Variants in WWOX observed in about 807,000 individuals in gnomAD.
WWOX encodes WW domain-containing oxidoreductase.
In WWOX, 69 loss-of-function variants were observed where a neutral mutation model predicts 46.2. That is an observed-to-expected ratio of 1.49 (90% CI 1.23 to 1.82). The LOEUF is 1.82. WWOX is among the 40% of genes most tolerant of loss of function. The pLI, the probability that WWOX is intolerant of heterozygous loss-of-function variation, is 0.00. For synonymous variants in WWOX, 359 were observed against 202.6 expected, an observed-to-expected ratio of 1.77 and a Z score of -6.56; for missense variants, 919 against 542.6, an observed-to-expected ratio of 1.69 and a Z score of -6.89.
intron 8 of WWOX, among the ~76,000 whole-genome samples, chr16:78,941,190 T>C (rs995567190): frequency 2.6e-5 from 4 of 152,154 alleles, no homozygotes; most frequent in African/African-American, 9.7e-5. Context: ...ATATCCCAGT[T>C]GCAAAGGATA....
At chr16:78,751,440 T>C (rs895431138) in intron 8 of WWOX, among the ~76,000 whole-genome samples, 5 of 136,060 alleles carry the variant, frequency 3.7e-5, no homozygotes, top group Admixed American at 7.9e-5. Context: ...TTTATCAGAT[T>C]ATATATATAT....
chr16:78,347,517 T>TC (rs1297401159), intron 5 of WWOX, among the ~76,000 whole-genome samples: 2 of 117,246 alleles, frequency 1.7e-5, no homozygotes, highest in African/African-American at 5.8e-5. Flanking sequence ...CACCCACACC[T>TC]CTTGCATGTT....
At chr16:78,518,829 G>C (rs2043291153) in intron 8 of WWOX, among the ~76,000 whole-genome samples, 1 of 152,156 alleles carries the variant, frequency 6.6e-6, no homozygotes. Context: ...TGGATTGCCT[G>C]TGATTTCACT....
chr16:78,320,280 T>C (rs1396361207), intron 5 of WWOX, among the ~76,000 whole-genome samples: 1 of 152,188 alleles, frequency 6.6e-6, no homozygotes, highest in Admixed American at 6.5e-5. Context: ...ATAAGCAATT[T>C]TACCTGCATT....
rs1490776584 is a variant in WWOX at position 79,212,205 on chromosome 16, G to A, written c.*409G>A. ...CGGGGGCTGGCCTTCTCCTACTTAG[G>A]GAAGAAAAAGCAAGTGTTCACTGCT... is the stretch of plus-strand genomic sequence containing the variant. On this transcript the variant is annotated 3_prime_UTR_variant, in exon 9 of 9. Coordinates refer to ENST00000566780, the MANE Select transcript of WWOX (RefSeq NM_016373.4). The A allele has an allele frequency of 2.1e-6, 3 of 1,446,170 alleles. No individual in the cohort carries two copies. Among genetic ancestry groups the A allele is most frequent in the Non-Finnish European group, 2.7e-6 (3 of 1,105,462 alleles). 89.6% of individuals were successfully genotyped at this position (1,446,170 alleles called of 1,614,324 possible).
intron 8 of WWOX, among the ~76,000 whole-genome samples, chr16:78,529,699 C>A (rs780295323): frequency 3.7e-4 from 56 of 151,794 alleles, no homozygotes; most frequent in Non-Finnish European, 7.4e-5. Flanking sequence ...GATCTCCTGA[C>A]CTCGTGATCC....
At chr16:78,168,752 T>C (rs1277606906) in intron 5 of WWOX, among the ~76,000 whole-genome samples, 1 of 152,194 alleles carries the variant, frequency 6.6e-6, no homozygotes, top group Non-Finnish European at 1.5e-5. Flanking sequence ...AAGATATCCT[T>C]TATAGAGCTC....
intron 5 of WWOX, among the ~76,000 whole-genome samples, chr16:78,205,629 C>T (rs903942464): frequency 6.6e-6 from 1 of 151,790 alleles, no homozygotes; most frequent in Non-Finnish European, 1.5e-5. Context: ...TTCCAATTAT[C>T]CACCCTTCCA....
At chr16:78,640,970 G>C (rs1434920561) in intron 8 of WWOX, among the ~76,000 whole-genome samples, 1 of 151,652 alleles carries the variant, frequency 6.6e-6, no homozygotes, top group African/African-American at 2.4e-5. Flanking sequence ...GAAAAGAAAG[G>C]AAGGACAGAT....
chr16:79,034,147 A>T (rs2047820511), intron 8 of WWOX, among the ~76,000 whole-genome samples: 1 of 152,084 alleles, frequency 6.6e-6, no homozygotes, highest in South Asian at 2.1e-4. Context: ...TTTTATATTA[A>T]TCTGTTTTCT....
chr16:79,150,412 A>G (rs528470586), intron 8 of WWOX, among the ~76,000 whole-genome samples: 1 of 152,322 alleles, frequency 6.6e-6, no homozygotes, highest in East Asian at 1.9e-4. Flanking sequence ...TTCAACTACC[A>G]GGTAGGTAGA....
chr16:78,196,628 C>G (rs1219412363), intron 5 of WWOX, among the ~76,000 whole-genome samples: 1 of 152,146 alleles, frequency 6.6e-6, no homozygotes, highest in East Asian at 1.9e-4. Context: ...TGCTTTGGAA[C>G]CAATTAGGGC....
chr16:78,726,236 T>C (rs1286089937), intron 8 of WWOX, among the ~76,000 whole-genome samples: 1 of 150,790 alleles, frequency 6.6e-6, no homozygotes, highest in African/African-American at 2.4e-5. Context: ...TTTTTTCTTC[T>C]TTTTTTTGGA....
chr16:78,450,339 C>G (rs2083663127), intron 8 of WWOX, among the ~76,000 whole-genome samples: 1 of 152,082 alleles, frequency 6.6e-6, no homozygotes, highest in Non-Finnish European at 1.5e-5. Context: ...CCAAAGTAAT[C>G]CACGAGAATG....
At chr16:78,524,455 C>T (rs1264485091) in intron 8 of WWOX, among the ~76,000 whole-genome samples, 2 of 151,784 alleles carry the variant, frequency 1.3e-5, no homozygotes, top group Non-Finnish European at 2.9e-5. Context: ...GAGTCTTGCT[C>T]TTTTGCCCAA....
At chr16:78,489,362 C>G (rs1277027253) in intron 8 of WWOX, among the ~76,000 whole-genome samples, 1 of 152,112 alleles carries the variant, frequency 6.6e-6, no homozygotes, top group Non-Finnish European at 1.5e-5. Flanking sequence ...TTTTTCCTCT[C>G]TTTACTTGGC....
intron 6 of WWOX, among the ~76,000 whole-genome samples, chr16:78,411,559 G>T (rs1365746045): frequency 6.6e-6 from 1 of 152,160 alleles, no homozygotes; most frequent in Non-Finnish European, 1.5e-5. Flanking sequence ...TGTGGCTGTT[G>T]CTCAGAAGGA....
intron 8 of WWOX, among the ~76,000 whole-genome samples, chr16:78,566,213 A>T (rs931173575): frequency 6.6e-6 from 1 of 152,114 alleles, no homozygotes; most frequent in Non-Finnish European, 1.5e-5. Flanking sequence ...CTCATTTGAA[A>T]TTAGTCACCT....
chr16:79,195,694 G>T (rs1274706508), intron 8 of WWOX, among the ~76,000 whole-genome samples: 1 of 152,212 alleles, frequency 6.6e-6, no homozygotes, highest in East Asian at 1.9e-4. Context: ...CCGGGAGCTA[G>T]CTCCTTGTGA....
Sources: gnomAD v4.1 joint callset for allele counts (sites outside exome capture counted in the v4.1 genomes callset) on GRCh38, gnomAD v4.1.1 for gene constraint, MANE v1.5 for transcripts, NCBI Gene and HGNC (gene_info 2026-07-23, HGNC 2026-07-21) for gene names.